PTPRD: variants seen among roughly 807,000 people sequenced by gnomAD.
The protein encoded by PTPRD is receptor-type tyrosine-protein phosphatase delta.
A neutral mutation model predicts 214.5 loss-of-function variants in PTPRD; 34 were observed. That is an observed-to-expected ratio of 0.16 (90% CI 0.12 to 0.21). The LOEUF is 0.21. Among genes scored for constraint, PTPRD ranks in the 10% least tolerant of loss-of-function variants. The pLI, the probability that PTPRD is intolerant of heterozygous loss-of-function variation, is 1.00. For synonymous variants in PTPRD, 1,128 were observed against 845.7 expected (o/e 1.33, Z -5.79); for missense variants, 2,545 against 2,398.7 (o/e 1.06, Z -1.27).
intron 11 of PTPRD, among the ~76,000 whole-genome samples, chr9:8,746,559 T>G (rs894233254): frequency 6.6e-6 from 1 of 152,042 alleles, no homozygotes; most frequent in African/African-American, 2.4e-5. Flanking sequence ...AAAAAGGGAG[T>G]TTAAAGTCAT....
chr9:9,258,431 T>C (rs1417445971), intron 9 of PTPRD, among the ~76,000 whole-genome samples: 2 of 145,528 alleles, frequency 1.4e-5, no homozygotes. Flanking sequence ...TTCTATTAAA[T>C]AAAAAAAAAA....
chr9:10,450,249 A>T (rs950037552), intron 2 of PTPRD, among the ~76,000 whole-genome samples: 2 of 151,522 alleles, frequency 1.3e-5, no homozygotes, highest in African/African-American at 4.9e-5. Flanking sequence ...AATACTAAAA[A>T]AAATAAATAA....
intron 2 of PTPRD, among the ~76,000 whole-genome samples, chr9:10,351,947 T>C (rs541593633): frequency 5.7e-4 from 87 of 152,100 alleles, no homozygotes; most frequent in African/African-American, 1.9e-3. Flanking sequence ...AGACCGAGTT[T>C]TGAGTCAGTA....
chr9:9,020,558 T>C (rs561916393), intron 10 of PTPRD, among the ~76,000 whole-genome samples: 10 of 152,272 alleles, frequency 6.6e-5, no homozygotes, highest in African/African-American at 2.4e-4. Context: ...GTTTGTGGCT[T>C]GAACAACTGA....
chr9:8,458,271 G>A (rs10977124), intron 33 of PTPRD, among the ~76,000 whole-genome samples: 52,838 of 151,838 alleles, frequency 0.35, 11,080 homozygotes, highest in African/African-American at 0.6. Context: ...GCAGATGAAG[G>A]AAGAAAATAG....
chr9:9,396,195 A>G (rs1021474821), intron 9 of PTPRD, among the ~76,000 whole-genome samples: 1 of 152,052 alleles, frequency 6.6e-6, no homozygotes, highest in African/African-American at 2.4e-5. Flanking sequence ...ACTAAAAGTC[A>G]AAACCAAATC....
At chr9:8,592,320 C>T (rs902797156) in intron 14 of PTPRD, among the ~76,000 whole-genome samples, 11 of 152,104 alleles carry the variant, frequency 7.2e-5, no homozygotes, top group African/African-American at 1.2e-4. Context: ...ATATCCTTTC[C>T]GCTTTAGCTG....
intron 9 of PTPRD, among the ~76,000 whole-genome samples, chr9:9,243,703 G>T (rs934633373): frequency 5.3e-5 from 8 of 152,092 alleles, no homozygotes; most frequent in Non-Finnish European, 1.2e-4. Flanking sequence ...GGCAAAAACT[G>T]GAAGCATTCC....
rs567002136 is a variant in PTPRD, at chr9:10,494,715, T to C, written c.-600+117683A>G. 2.9e-3 allele frequency among the ~76,000 whole-genome samples: 434 copies of C among 151,442 alleles called. 1 individual carries two copies. The highest frequency in any genetic ancestry group is 0.01 in the African/African-American group (424 of 41,430). On this transcript the variant is annotated intron_variant, in intron 2 of 45. Transcript: ENST00000381196. ...TCTATTACGGTATAAATGTAAGATG[T>C]TATTTAATATAAAAATTTTACAGAT...
intron 11 of PTPRD, 88 bp from the exon 12 acceptor site, chr9:8,734,034 T>C: frequency 1.7e-6 from 1 of 604,046 alleles, no homozygotes; most frequent in South Asian, 1.9e-5. Flanking sequence ...TCCATCACAA[T>C]CACCATGACA....
intron 2 of PTPRD, among the ~76,000 whole-genome samples, chr9:10,357,308 G>A (rs1423486090): frequency 2.0e-5 from 3 of 152,084 alleles, no homozygotes; most frequent in Admixed American, 6.5e-5. Context: ...CTACATTTTT[G>A]AGCACTCTTT....
chr9:8,658,038 G>C (rs1051739767), intron 12 of PTPRD, among the ~76,000 whole-genome samples: 12 of 152,116 alleles, frequency 7.9e-5, no homozygotes, highest in Non-Finnish European at 1.5e-5. Flanking sequence ...ATGATGTACA[G>C]AGAATATGCT....
intron 14 of PTPRD, among the ~76,000 whole-genome samples, chr9:8,624,525 A>G (rs1417835583): frequency 6.6e-6 from 1 of 151,858 alleles, no homozygotes; most frequent in Non-Finnish European, 1.5e-5. Context: ...TGGGAGAGCC[A>G]AACCAGCTAG....
intron 2 of PTPRD, among the ~76,000 whole-genome samples, chr9:10,372,800 G>A (rs945012194): frequency 2.0e-5 from 3 of 150,054 alleles, no homozygotes; most frequent in Admixed American, 6.8e-5. Context: ...AGGCCTAAAG[G>A]TAGAACCAAA....
intron 11 of PTPRD, among the ~76,000 whole-genome samples, chr9:8,979,448 T>C (rs900350228): frequency 1.3e-5 from 2 of 152,016 alleles, no homozygotes; most frequent in Non-Finnish European, 2.9e-5. Flanking sequence ...AATGAAGTGG[T>C]AACCTATGAA....
At chr9:9,378,204 C>T (rs919484197) in intron 9 of PTPRD, among the ~76,000 whole-genome samples, 1 of 152,164 alleles carries the variant, frequency 6.6e-6, no homozygotes, top group African/African-American at 2.4e-5. Flanking sequence ...CACACTGCAA[C>T]CCCTGGCAAC....
intron 3 of PTPRD, among the ~76,000 whole-genome samples, chr9:10,282,100 G>A (rs924262817): frequency 6.6e-5 from 10 of 151,982 alleles, no homozygotes; most frequent in Admixed American, 4.6e-4. Flanking sequence ...AACAATGAAA[G>A]CAGTCATGGA....
intron 14 of PTPRD, among the ~76,000 whole-genome samples, chr9:8,627,951 G>A (rs534845147): frequency 6.6e-5 from 10 of 151,974 alleles, no homozygotes; most frequent in Admixed American, 1.3e-4. Flanking sequence ...AAGCTTTATC[G>A]TGTTGGTATC....
intron 11 of PTPRD, among the ~76,000 whole-genome samples, chr9:8,884,785 T>G (rs979190419): frequency 6.6e-6 from 1 of 152,238 alleles, no homozygotes; most frequent in African/African-American, 2.4e-5. Context: ...TAGTTTTCTA[T>G]TCTTTGTTTA....
Sources: gnomAD v4.1 joint callset for allele counts (sites outside exome capture counted in the v4.1 genomes callset) on GRCh38, gnomAD v4.1.1 for gene constraint, MANE v1.5 for transcripts, NCBI Gene and HGNC (gene_info 2026-07-23, HGNC 2026-07-21) for gene names.